ARSB: variants seen among roughly 807,000 people sequenced by gnomAD.
ARSB encodes N-acetylgalactosamine-4-sulfatase.
Under a neutral mutation model 50.9 loss-of-function variants are expected in ARSB, and 41 were observed. The ratio of observed to expected loss-of-function variants is 0.81; its 90% confidence interval spans 0.63 to 1.04. The LOEUF (loss-of-function observed/expected upper bound fraction) is 1.04, where lower values mean the gene tolerates loss of function less well. Among genes scored for constraint, ARSB ranks in the 50% least tolerant of loss-of-function variants. The pLI is 0.00. For missense variants in ARSB, 672 were observed against 693.3 expected (o/e 0.97, Z 0.35); for synonymous variants, 269 against 284.8 (o/e 0.94, Z 0.56).
chr5:78,926,759 T>A (rs1580071401), intron 4 of ARSB, among the ~76,000 whole-genome samples: 1 of 152,198 alleles, frequency 6.6e-6, no homozygotes, highest in Non-Finnish European at 1.5e-5. Context: ...TCAAGAGGTA[T>A]GAATTACTGC....
At chr5:78,888,330 A>G (rs1489678736) in intron 4 of ARSB, among the ~76,000 whole-genome samples, 1 of 152,228 alleles carries the variant, frequency 6.6e-6, no homozygotes, top group Non-Finnish European at 1.5e-5. Flanking sequence ...CTCCATGTTC[A>G]TGATACTGCA....
chr5:78,890,413 G>T (rs1748237394), intron 4 of ARSB, among the ~76,000 whole-genome samples: 1 of 151,882 alleles, frequency 6.6e-6, no homozygotes, highest in African/African-American at 2.4e-5. Context: ...ACCACGCTTG[G>T]CTACTCTTTC....
intron 3 of ARSB, among the ~76,000 whole-genome samples, chr5:78,960,871 G>T (rs1321152961): frequency 6.6e-6 from 1 of 152,132 alleles, no homozygotes; most frequent in Non-Finnish European, 1.5e-5. Context: ...CTGACGGGGG[G>T]CTGTTTTTAA....
Position 78,869,381 on chromosome 5 carries a change from C to T in ARSB, c.1142+16203G>A, listed in dbSNP as rs1199704447. 2.8e-5 allele frequency among the ~76,000 whole-genome samples: 4 copies of T among 140,482 alleles called. No individual in the cohort carries two copies. The East Asian group carries it at 8.0e-4, about 28-fold the overall frequency. 92.2% of individuals were successfully genotyped at this position (140,482 alleles called of 152,430 possible). A position where few individuals can be genotyped will look rare whatever the true frequency, so the allele number is the denominator to read the frequency against. On this transcript the variant is annotated intron_variant, in intron 5 of 7. Transcript: ENST00000264914. ...ATACATTTTTTTCAGCACCACACCACACCTATTCCAAAATTGACCACATAG... is the reference window on the plus strand; with the variant it reads ...ATACATTTTTTTCAGCACCACACCATACCTATTCCAAAATTGACCACATAG...
At chr5:78,867,223 C>T (rs1372529076) in intron 5 of ARSB, among the ~76,000 whole-genome samples, 3 of 152,180 alleles carry the variant, frequency 2.0e-5, no homozygotes, top group African/African-American at 4.8e-5. Context: ...AACTGCAAGG[C>T]GGCAGCGAGG....
At chr5:78,790,418 A>C (rs1020846421) in intron 6 of ARSB, among the ~76,000 whole-genome samples, 2 of 152,170 alleles carry the variant, frequency 1.3e-5, no homozygotes, top group Admixed American at 6.5e-5. Context: ...CGCAGTTATT[A>C]CCACCCGTGC....
chr5:78,944,532 C>T (rs1751116575), intron 4 of ARSB, among the ~76,000 whole-genome samples: 1 of 152,160 alleles, frequency 6.6e-6, no homozygotes, highest in Non-Finnish European at 1.5e-5. Context: ...TTGGAGTTTG[C>T]TGGAGGTCCA....
At chr5:78,909,811 G>C (rs1039286607) in intron 4 of ARSB, among the ~76,000 whole-genome samples, 1 of 152,160 alleles carries the variant, frequency 6.6e-6, no homozygotes, top group African/African-American at 2.4e-5. Context: ...AGGAGGATTA[G>C]CAAAAGAGGA....
At chr5:78,911,560 T>G (rs1210264396) in intron 4 of ARSB, among the ~76,000 whole-genome samples, 5 of 99,928 alleles carry the variant, frequency 5.0e-5, no homozygotes, top group Admixed American at 1.5e-4. Context: ...GGGAACAGAG[T>G]GAGACTCCCT....
intron 6 of ARSB, among the ~76,000 whole-genome samples, chr5:78,821,241 T>C (rs1285590733): frequency 6.6e-6 from 1 of 152,212 alleles, no homozygotes; most frequent in East Asian, 1.9e-4. Context: ...GTTCAAGCTA[T>C]TCTCCTGCCT....
chr5:78,855,721 G>A (rs537920345), intron 5 of ARSB, among the ~76,000 whole-genome samples: 1 of 152,300 alleles, frequency 6.6e-6, no homozygotes, highest in Admixed American at 6.5e-5. Context: ...TGTCTGTGAG[G>A]ATTGCAGGGG....
At chr5:78,830,234 TG>T (rs769463891) in intron 6 of ARSB, among the ~76,000 whole-genome samples, 1 of 151,932 alleles carries the variant, frequency 6.6e-6, no homozygotes, top group Non-Finnish European at 1.5e-5. Flanking sequence ...AAAGTAACCC[TG>T]GGGAAAAAAA....
At chr5:78,822,204 T>C (rs1162451489) in intron 6 of ARSB, among the ~76,000 whole-genome samples, 1 of 152,236 alleles carries the variant, frequency 6.6e-6, no homozygotes, top group Non-Finnish European at 1.5e-5. Context: ...TTGGAAACTT[T>C]GGGCTTCTAT....
chr5:78,924,382 G>A (rs1298061005), intron 4 of ARSB, among the ~76,000 whole-genome samples: 3 of 152,118 alleles, frequency 2.0e-5, no homozygotes, highest in Admixed American at 6.5e-5. Flanking sequence ...TTTAATCATT[G>A]TGCTACACAG....
intron 6 of ARSB, among the ~76,000 whole-genome samples, chr5:78,808,824 T>G (rs1338512351): frequency 2.0e-5 from 3 of 152,216 alleles, no homozygotes; most frequent in African/African-American, 7.2e-5. Flanking sequence ...GGACACAGGA[T>G]GGCCCCCTGG....
chr5:78,789,501 A>C (rs769767754), intron 6 of ARSB, among the ~76,000 whole-genome samples: 18 of 152,226 alleles, frequency 1.2e-4, no homozygotes, highest in Non-Finnish European at 2.1e-4. Context: ...GAAATGATGT[A>C]CAAAAGCAAT....
intron 2 of ARSB, among the ~76,000 whole-genome samples, chr5:78,967,989 G>T (rs528493249): frequency 6.6e-6 from 1 of 152,222 alleles, no homozygotes; most frequent in East Asian, 1.9e-4. Flanking sequence ...TCAGGCACAG[G>T]TTATTACAGG....
chr5:78,955,378 AG>A lies in ARSB; in HGVS notation c.814del (p.Met273TrpfsTer5). On this transcript the variant is annotated frameshift_variant, in exon 4 of 8. Transcript: ENST00000264914. LOFTEE classifies it high-confidence loss of function. ...NRHHYAGMVS[L>X]MDEAVGNVTA... ...GACATTTCCTACTGCTTCATCCATA[AG>A]GGACACCATTCCTGCATAGTGATGC... is the stretch of plus-strand genomic sequence containing the variant. 6.2e-7 allele frequency: 1 copy of A among 1,614,176 alleles called. No homozygotes were observed.
chr5:78,943,499 C>T (rs1436291863), intron 4 of ARSB, among the ~76,000 whole-genome samples: 3 of 152,142 alleles, frequency 2.0e-5, no homozygotes, highest in Admixed American at 2.0e-4. Context: ...TCAGCATTTG[C>T]TTGTCTGTAA....
Sources: gnomAD v4.1 joint callset for allele counts (sites outside exome capture counted in the v4.1 genomes callset) on GRCh38, gnomAD v4.1.1 for gene constraint, MANE v1.5 for transcripts, NCBI Gene and HGNC (gene_info 2026-07-23, HGNC 2026-07-21) for gene names.